The following SEMA6D variants were observed in gnomAD, a reference collection of about 807,000 sequenced individuals.
The protein encoded by SEMA6D is semaphorin-6D.
In SEMA6D, 35 loss-of-function variants were observed where a neutral mutation model predicts 106.6. The observed-to-expected ratio is 0.33, with a 90% CI of 0.25 to 0.44. The LOEUF (loss-of-function observed/expected upper bound fraction) is 0.44, where lower values mean the gene tolerates loss of function less well. Ranked by LOEUF, SEMA6D falls within the 20% of genes least tolerant of loss-of-function variation. The pLI is 1.00. For synonymous variants in SEMA6D, 499 were observed against 487.7 expected (o/e 1.02, Z -0.31); for missense variants, 1,185 against 1,345.9 (o/e 0.88, Z 1.87).
chr15:47,722,820 T>A (rs2079503394), intron 1 of SEMA6D, among the ~76,000 whole-genome samples: 1 of 152,248 alleles, frequency 6.6e-6, no homozygotes, highest in African/African-American at 2.4e-5. Flanking sequence ...GTTAGCTTAC[T>A]AAATTCTAGG....
chr15:47,364,354 A>C lies in SEMA6D; in HGVS notation c.-238-48039A>C, dbSNP rs577255718. Among the ~76,000 whole-genome samples the C allele has an allele frequency of 1.4e-4, 21 of 152,280 alleles. No homozygotes were observed. In the South Asian group the frequency reaches 3.9e-3, roughly 29 times the overall value. On this transcript the variant is annotated intron_variant, in intron 1 of 19. Coordinates refer to the SEMA6D transcript ENST00000558014. ...ATTATATTATCGCAGCTTCAAAATG[A>C]CCAAGGCCTACATGACTGTCTCATA... is the stretch of plus-strand genomic sequence containing the variant.
intron 1 of SEMA6D, among the ~76,000 whole-genome samples, chr15:47,400,302 C>T (rs1264794366): frequency 6.6e-6 from 1 of 151,966 alleles, no homozygotes; most frequent in African/African-American, 2.4e-5. Context: ...CCAGCTTGGC[C>T]AACAGGACAA....
At chr15:47,282,609 A>G (rs1356794021) in intron 1 of SEMA6D, among the ~76,000 whole-genome samples, 1 of 152,084 alleles carries the variant, frequency 6.6e-6, no homozygotes, top group African/African-American at 2.4e-5. Context: ...GTTTTTTAGT[A>G]TTTTTAAAAT....
intron 1 of SEMA6D, among the ~76,000 whole-genome samples, chr15:47,313,036 C>T (rs557483495): frequency 1.3e-5 from 2 of 152,166 alleles, no homozygotes; most frequent in East Asian, 1.9e-4. Flanking sequence ...CCATGTACCC[C>T]CAGCCCCACA....
intron 4 of SEMA6D, among the ~76,000 whole-genome samples, chr15:47,705,444 G>A (rs1020758587): frequency 1.3e-5 from 2 of 152,174 alleles, no homozygotes; most frequent in African/African-American, 4.8e-5. Flanking sequence ...CTGAAAGTTG[G>A]AATTGTTTAG....
chr15:47,331,552 T>C (rs1275283301), intron 1 of SEMA6D, among the ~76,000 whole-genome samples: 1 of 152,140 alleles, frequency 6.6e-6, no homozygotes, highest in Admixed American at 6.6e-5. Flanking sequence ...TACAGTGTTA[T>C]ATCATTTTTT....
chr15:47,226,336 C>T (rs1465255018), intron 1 of SEMA6D, among the ~76,000 whole-genome samples: 1 of 151,954 alleles, frequency 6.6e-6, no homozygotes, highest in Non-Finnish European at 1.5e-5. Context: ...TTGTGTAAGC[C>T]ATCCAGTTTG....
At chr15:47,441,366 A>G (rs906476347) in intron 2 of SEMA6D, among the ~76,000 whole-genome samples, 5 of 152,138 alleles carry the variant, frequency 3.3e-5, no homozygotes, top group African/African-American at 1.2e-4. Context: ...GTCAAAAGTA[A>G]AAATAAATTT....
At chr15:47,186,214 A>G (rs988310698) in intron 1 of SEMA6D, among the ~76,000 whole-genome samples, 12 of 152,128 alleles carry the variant, frequency 7.9e-5, no homozygotes, top group Admixed American at 7.2e-4. Flanking sequence ...AAGTGTATCA[A>G]TCTGATGAAG....
intron 4 of SEMA6D, among the ~76,000 whole-genome samples, chr15:47,638,391 C>T (rs1260507628): frequency 1.3e-5 from 2 of 152,086 alleles, no homozygotes; most frequent in Non-Finnish European, 2.9e-5. Context: ...GTGTATGACT[C>T]AATAATCTTC....
At chr15:47,315,815 A>G (rs548718438) in intron 1 of SEMA6D, among the ~76,000 whole-genome samples, 12 of 151,740 alleles carry the variant, frequency 7.9e-5, no homozygotes, top group Non-Finnish European at 1.2e-4. Flanking sequence ...ATTTTGTTAG[A>G]TTTTTACCTA....
intron 2 of SEMA6D, among the ~76,000 whole-genome samples, chr15:47,432,307 A>C (rs535975992): frequency 2.6e-5 from 4 of 152,250 alleles, no homozygotes; most frequent in African/African-American, 9.6e-5. Context: ...TTCCTGAATA[A>C]ACATGATTTA....
chr15:47,670,063 T>C (rs541281517), intron 4 of SEMA6D, among the ~76,000 whole-genome samples: 2 of 152,304 alleles, frequency 1.3e-5, no homozygotes, highest in Admixed American at 1.3e-4. Flanking sequence ...CTGGAGAAAT[T>C]CTGTGCATCC....
chr15:47,645,474 G>C (rs958520015), intron 4 of SEMA6D, among the ~76,000 whole-genome samples: 28 of 151,978 alleles, frequency 1.8e-4, no homozygotes, highest in African/African-American at 6.8e-4. Context: ...TTTTAGATAG[G>C]AAAAAATAAG....
At chr15:47,509,221 C>CTG (rs2044146210) in intron 3 of SEMA6D, among the ~76,000 whole-genome samples, 2 of 152,144 alleles carry the variant, frequency 1.3e-5, no homozygotes, top group South Asian at 4.2e-4. Context: ...TCTGGTGTAC[C>CTG]TGTGTGTTTG....
intron 3 of SEMA6D, among the ~76,000 whole-genome samples, chr15:47,482,062 G>C (rs1472566340): frequency 6.6e-6 from 1 of 152,118 alleles, no homozygotes; most frequent in Non-Finnish European, 1.5e-5. Context: ...AGATTCTTTG[G>C]CTAGAGCAAG....
chr15:47,695,191 T>C (rs957566755), intron 4 of SEMA6D, among the ~76,000 whole-genome samples: 2 of 152,154 alleles, frequency 1.3e-5, no homozygotes, highest in African/African-American at 4.8e-5. Flanking sequence ...TCAAGCTGAT[T>C]TATAATATTA....
intron 1 of SEMA6D, among the ~76,000 whole-genome samples, chr15:47,395,917 C>T (rs1416963907): frequency 6.6e-6 from 1 of 152,156 alleles, no homozygotes; most frequent in Non-Finnish European, 1.5e-5. Flanking sequence ...ATTCATATGT[C>T]AAATTAACTC....
At chr15:47,559,825 G>A (rs1033012077) in intron 3 of SEMA6D, among the ~76,000 whole-genome samples, 15 of 152,092 alleles carry the variant, frequency 9.9e-5, no homozygotes, top group Non-Finnish European at 1.8e-4. Flanking sequence ...AATGAGAATG[G>A]CCTAAAATTT....
Sources: allele counts gnomAD v4.1 joint callset (sites outside exome capture counted in the v4.1 genomes callset), GRCh38; gene constraint gnomAD v4.1.1; transcripts MANE v1.5; gene names NCBI Gene and HGNC (gene_info 2026-07-23, HGNC 2026-07-21).